Variants in GAS2L3 observed in about 807,000 individuals in gnomAD.
GAS2L3 encodes the protein GAS2-like protein 3.
In GAS2L3, 28 loss-of-function variants were observed where a neutral mutation model predicts 37.0. The ratio of observed to expected loss-of-function variants is 0.76; its 90% CI spans 0.56 to 1.04. The LOEUF is 1.04. GAS2L3 is among the 50% of genes least tolerant of loss of function. The probability of loss-of-function intolerance (pLI) is 0.00; values close to 1 mark genes in which losing one functional copy is unlikely to be tolerated. For missense variants in GAS2L3, 793 were observed against 817.6 expected (o/e 0.97, Z 0.37); for synonymous variants, 290 against 296.6 (o/e 0.98, Z 0.23).
chr12:100,610,101 G>C (rs1330554551), intron 5 of GAS2L3, among the ~76,000 whole-genome samples: 2 of 152,196 alleles, frequency 1.3e-5, no homozygotes, highest in African/African-American at 4.8e-5. Context: ...GCGTAGGTTT[G>C]TATGCGGCTA....
chr12:100,577,853 G>C (rs1020852259), intron 1 of GAS2L3, among the ~76,000 whole-genome samples: 1 of 152,244 alleles, frequency 6.6e-6, no homozygotes, highest in Non-Finnish European at 1.5e-5. Flanking sequence ...GGATCAGCAA[G>C]TGCGAAGACC....
chr12:100,599,542 C>G (rs1180467627), intron 3 of GAS2L3, among the ~76,000 whole-genome samples: 2 of 152,166 alleles, frequency 1.3e-5, no homozygotes, highest in East Asian at 3.9e-4. Flanking sequence ...AGATTTGCCC[C>G]ATGGACTATA....
At chr12:100,590,670 C>T (rs1211671018) in intron 1 of GAS2L3, among the ~76,000 whole-genome samples, 1 of 152,042 alleles carries the variant, frequency 6.6e-6, no homozygotes, top group Non-Finnish European at 1.5e-5. Context: ...AACCCAAATA[C>T]CCATGAATAA....
At chr12:100,618,943 A>C (rs908040047) in intron 8 of GAS2L3, among the ~76,000 whole-genome samples, 2 of 152,038 alleles carry the variant, frequency 1.3e-5, no homozygotes, top group African/African-American at 4.8e-5. Flanking sequence ...GGTCTTGTAG[A>C]GGTTATATTG....
Position 100,626,402 on chromosome 12 carries a change from C to T in GAS2L3, c.*1512C>T, listed in dbSNP as rs1468766948. ...AAGCTAGTTTTTGGAAGAAGTGATG[C>T]TTCTCTTCTTTAAAGAGACAGTCAC... On this transcript the variant is annotated 3_prime_UTR_variant, in exon 10 of 10. Transcript: ENST00000547754. The T allele has an allele frequency of 1.3e-5, 2 of 152,210 alleles. No homozygotes were observed. Among genetic ancestry groups the T allele is most frequent in the Non-Finnish European group, 2.9e-5 (2 of 68,038 alleles). 9.4% of individuals were successfully genotyped at this position (152,210 alleles called of 1,614,324 possible).
At chr12:100,610,222 C>A (rs542878656) in intron 5 of GAS2L3, among the ~76,000 whole-genome samples, 1 of 152,120 alleles carries the variant, frequency 6.6e-6, no homozygotes, top group South Asian at 2.1e-4. Flanking sequence ...AAATTAGGAA[C>A]AACCTAAATG....
At chr12:100,620,856 C>CT (rs1956244098) in intron 8 of GAS2L3, among the ~76,000 whole-genome samples, 1 of 151,998 alleles carries the variant, frequency 6.6e-6, no homozygotes, top group Non-Finnish European at 1.5e-5. Context: ...ACTGTAAGCC[C>CT]TTTCCCAGAG....
intron 8 of GAS2L3, 146 bp downstream of exon 8, chr12:100,618,733 A>T (rs1209735984): frequency 1.6e-6 from 1 of 635,288 alleles, no homozygotes; most frequent in Non-Finnish European, 2.5e-6. Flanking sequence ...CCATTCTCTG[A>T]TGAATTCAGG....
chr12:100,617,973 A>G lies in GAS2L3; in HGVS notation c.509+166A>G, dbSNP rs183920990. ...TCAACTTCATTCTGTTTGCATGAGC[A>G]TATGTAAACATCCGAGTTCTCAATA... On this transcript the variant is annotated intron_variant, in intron 7 of 9. Transcript: ENST00000547754. 5.6e-3 allele frequency among the ~76,000 whole-genome samples: 858 copies of G among 152,332 alleles called. 5 individuals carry two copies. The highest frequency in any genetic ancestry group is 0.015 in the African/African-American group (620 of 41,592).
chr12:100,610,036 C>A (rs1369329484), intron 5 of GAS2L3, among the ~76,000 whole-genome samples: 2 of 152,112 alleles, frequency 1.3e-5, no homozygotes, highest in African/African-American at 4.8e-5. Context: ...TGTAATGGTG[C>A]TTTTTGTGTG....
At chr12:100,590,160 C>T (rs1955828322) in intron 1 of GAS2L3, among the ~76,000 whole-genome samples, 1 of 152,172 alleles carries the variant, frequency 6.6e-6, no homozygotes, top group African/African-American at 2.4e-5. Flanking sequence ...TTTTCATAAG[C>T]TATACATCTG....
chr12:100,577,872 A>G lies in GAS2L3; in HGVS notation c.-152+4087A>G, dbSNP rs373462621. ...CAGCAAGTGCGAAGACCTAGAGGTG[A>G]AAGCATGGCGCTTAGAAGGATCTTT... is the stretch of plus-strand genomic sequence containing the variant. On this transcript the variant is annotated intron_variant, in intron 1 of 9. Coordinates refer to ENST00000547754, the MANE Select transcript of GAS2L3 (RefSeq NM_174942.3). 5.5e-4 allele frequency among the ~76,000 whole-genome samples: 84 copies of G among 152,330 alleles called. 1 individual carries two copies. In the South Asian group the frequency reaches 0.013, roughly 23 times the overall value.
intron 6 of GAS2L3, among the ~76,000 whole-genome samples, chr12:100,616,868 A>G (rs1956193831): frequency 6.6e-6 from 1 of 152,216 alleles, no homozygotes; most frequent in South Asian, 2.1e-4. Flanking sequence ...AATAGAAATA[A>G]TAAGAGTGGA....
At chr12:100,583,815 T>C (rs1188754918) in intron 1 of GAS2L3, among the ~76,000 whole-genome samples, 1 of 152,168 alleles carries the variant, frequency 6.6e-6, no homozygotes, top group Non-Finnish European at 1.5e-5. Context: ...GGCAGCTCAC[T>C]TGACATGCTA....
intron 6 of GAS2L3, among the ~76,000 whole-genome samples, chr12:100,614,943 C>T (rs918757739): frequency 2.6e-5 from 4 of 152,194 alleles, no homozygotes; most frequent in African/African-American, 4.8e-5. Flanking sequence ...ATTGTTTCCA[C>T]TCTGGCTATT....
chr12:100,584,989 C>T (rs1422112814), intron 1 of GAS2L3, among the ~76,000 whole-genome samples: 4 of 145,606 alleles, frequency 2.7e-5, no homozygotes, highest in East Asian at 2.1e-4. Flanking sequence ...CCTGGGTTCA[C>T]GCCATTATCC....
rs1242885949 is a variant in GAS2L3 at position 100,606,003 on chromosome 12, C to G, written c.303+4250C>G. 2.0e-5 allele frequency among the ~76,000 whole-genome samples: 3 copies of G among 151,680 alleles called. 1 individual carries two copies. The highest frequency in any genetic ancestry group is 4.4e-5 in the Non-Finnish European group (3 of 67,844). ...ATGTTCTGTAAATATTTATTTGGTC[C>G]ATTTGTTCTATAGTGAAGATTAAGT... is the stretch of plus-strand genomic sequence containing the variant. On this transcript the variant is annotated intron_variant, in intron 5 of 9. Transcript: ENST00000547754.
Position 100,623,807 on chromosome 12 carries a change from C to T in GAS2L3, c.1002C>T (p.Ser334=), listed in dbSNP as rs61748061. The T allele has an allele frequency of 6.1e-5, 98 of 1,614,006 alleles. No individual in the cohort carries two copies. The Admixed American group carries it at 8.2e-4, about 13-fold the overall frequency. The change falls in exon 10 of 10, where the codon AGC becomes AGT. Residue 334 remains serine (S), a synonymous_variant. Transcript: ENST00000547754. ...TTCAGAAACAAAATTCAAAACCCAG[C>T]GTGCCAGTTAGTATTCCAAAAAGCA... ...NMFQKQNSKP[S]VPVSIPKSKE... is the part of the protein sequence containing the mutation.
Sources: gnomAD v4.1 joint callset for allele counts (sites outside exome capture counted in the v4.1 genomes callset) on GRCh38, gnomAD v4.1.1 for gene constraint, MANE v1.5 for transcripts, NCBI Gene and HGNC (gene_info 2026-07-23, HGNC 2026-07-21) for gene names.